UBE2R2: variants seen among roughly 807,000 people sequenced by gnomAD.
UBE2R2 encodes the protein ubiquitin-conjugating enzyme E2 R2.
Under a neutral mutation model 27.8 loss-of-function variants are expected in UBE2R2, and 1 was observed. The ratio of observed to expected loss-of-function variants is 0.04; its 90% confidence interval spans 0.01 to 0.17. The LOEUF is 0.17. Ranked by LOEUF, UBE2R2 falls within the 10% of genes least tolerant of loss-of-function variation. The pLI is 1.00. For missense variants in UBE2R2, 100 were observed against 291.0 expected (o/e 0.34, Z 4.78); for synonymous variants, 106 against 113.3 (o/e 0.94, Z 0.41).
intron 2 of UBE2R2, among the ~76,000 whole-genome samples, chr9:33,896,958 T>C (rs936326759): frequency 2.0e-5 from 3 of 151,538 alleles, no homozygotes; most frequent in Non-Finnish European, 4.4e-5. Flanking sequence ...TTTGTGTTTT[T>C]TTTTTGTTGT....
At chr9:33,871,687 A>T (rs943431929) in intron 1 of UBE2R2, among the ~76,000 whole-genome samples, 7 of 152,200 alleles carry the variant, frequency 4.6e-5, no homozygotes, top group African/African-American at 1.7e-4. Context: ...AATTGCTTCT[A>T]TTGAGTGACG....
chr9:33,836,119 C>A (rs1820608659), intron 1 of UBE2R2, among the ~76,000 whole-genome samples: 1 of 152,108 alleles, frequency 6.6e-6, no homozygotes. Flanking sequence ...GCCCGGCCAG[C>A]ATGGTGAAAC....
At chr9:33,820,440 T>C (rs1825961004) in intron 1 of UBE2R2, among the ~76,000 whole-genome samples, 1 of 152,244 alleles carries the variant, frequency 6.6e-6, no homozygotes, top group Non-Finnish European at 1.5e-5. Flanking sequence ...TCGACTACTT[T>C]TTCCCTTATA....
At chr9:33,827,545 G>T (rs1271597059) in intron 1 of UBE2R2, among the ~76,000 whole-genome samples, 1 of 152,070 alleles carries the variant, frequency 6.6e-6, no homozygotes, top group African/African-American at 2.4e-5. Context: ...GGAGGCTCAG[G>T]CAGGAGAATT....
chr9:33,896,531 C>T (rs1054818613), intron 2 of UBE2R2, among the ~76,000 whole-genome samples: 9 of 151,922 alleles, frequency 5.9e-5, no homozygotes, highest in Admixed American at 3.3e-4. Flanking sequence ...CAACCTCCGC[C>T]TCCTGGGTTC....
intron 1 of UBE2R2, among the ~76,000 whole-genome samples, chr9:33,884,370 A>C (rs1204558264): frequency 2.3e-5 from 3 of 132,484 alleles, no homozygotes; most frequent in African/African-American, 2.9e-5. Flanking sequence ...CTGCAGCCCC[A>C]CCTCCTGGGC....
intron 2 of UBE2R2, 110 bp downstream of exon 2, chr9:33,887,077 G>T (rs1821876673): frequency 4.7e-6 from 4 of 856,704 alleles, no homozygotes; most frequent in Middle Eastern, 2.5e-4. Flanking sequence ...TAGCCATAGA[G>T]AAATATTAAT....
intron 1 of UBE2R2, among the ~76,000 whole-genome samples, chr9:33,834,569 A>G (rs1820570935): frequency 6.6e-6 from 1 of 152,052 alleles, no homozygotes; most frequent in African/African-American, 2.4e-5. Context: ...TAGCTGTTAA[A>G]TAGCTACTAT....
intron 1 of UBE2R2, among the ~76,000 whole-genome samples, chr9:33,828,687 G>A (rs1005406253): frequency 2.0e-5 from 3 of 151,036 alleles, no homozygotes; most frequent in Admixed American, 6.6e-5. Flanking sequence ...TCAGCCTCCC[G>A]AGTAGCTGGG....
intron 2 of UBE2R2, among the ~76,000 whole-genome samples, chr9:33,890,037 C>T (rs1355852880): frequency 1.3e-5 from 2 of 152,044 alleles, no homozygotes; most frequent in South Asian, 2.1e-4. Flanking sequence ...TTATCTAATT[C>T]CCAAACACCT....
intron 2 of UBE2R2, among the ~76,000 whole-genome samples, chr9:33,888,621 A>C (rs1008652509): frequency 1.3e-4 from 20 of 152,050 alleles, no homozygotes; most frequent in African/African-American, 4.8e-4. Flanking sequence ...GGTTCAAGCG[A>C]TTCTCCTGTC....
chr9:33,917,251 T>C lies in UBE2R2; in HGVS notation c.*14T>C, dbSNP rs762050649. 2 of 1,613,500 alleles carry C rather than the reference T, an allele frequency of 1.2e-6. No homozygotes were observed. Among genetic ancestry groups the C allele is most frequent in the Non-Finnish European group, 1.7e-6 (2 of 1,180,010 alleles). On this transcript the variant is annotated 3_prime_UTR_variant, in exon 5 of 5. Coordinates refer to ENST00000263228, the MANE Select transcript of UBE2R2 (RefSeq NM_017811.4). ...GAGGAGTCGTGACGTGCTCCTTCAG[T>C]GCCCCTGTACTGCCCTGCCATCTCA...
chr9:33,851,475 TTGTTCCTTAGTCA>T (rs1358027456), intron 1 of UBE2R2, among the ~76,000 whole-genome samples: 1 of 152,134 alleles, frequency 6.6e-6, no homozygotes, highest in African/African-American at 2.4e-5. Context: ...CAGCCTGTAA[TTGTTCCTTAGTCA>T]TGTCCTAGAC....
At chr9:33,818,519 C>G (rs944561655) in intron 1 of UBE2R2, 60 of 130,358 alleles carry the variant, frequency 4.6e-4, no homozygotes, top group African/African-American at 1.6e-3. Flanking sequence ...GAATGGGACC[C>G]TAGGGGTGGT....
At chr9:33,857,574 C>A (rs1821137172) in intron 1 of UBE2R2, among the ~76,000 whole-genome samples, 1 of 152,112 alleles carries the variant, frequency 6.6e-6, no homozygotes, top group African/African-American at 2.4e-5. Flanking sequence ...CCTTGGCCTT[C>A]CAAAGTGCTG....
intron 1 of UBE2R2, among the ~76,000 whole-genome samples, chr9:33,875,621 T>G (rs979237638): frequency 6.6e-6 from 1 of 152,176 alleles, no homozygotes; most frequent in African/African-American, 2.4e-5. Context: ...CTCTTAAAAT[T>G]TGTATATGAT....
At chr9:33,915,004 C>G (rs145440669) in intron 4 of UBE2R2, among the ~76,000 whole-genome samples, 3 of 151,872 alleles carry the variant, frequency 2.0e-5, no homozygotes, top group Non-Finnish European at 2.9e-5. Flanking sequence ...GTGGCTTATA[C>G]CTGTAATCCC....
chr9:33,878,569 G>T (rs559137011), intron 1 of UBE2R2, among the ~76,000 whole-genome samples: 171 of 152,224 alleles, frequency 1.1e-3, no homozygotes, highest in Non-Finnish European at 2.1e-3. Context: ...TATGAGCCAA[G>T]ATTGCACCAC....
chr9:33,869,408 G>A (rs1350421633), intron 1 of UBE2R2, among the ~76,000 whole-genome samples: 3 of 149,330 alleles, frequency 2.0e-5, no homozygotes, highest in African/African-American at 7.5e-5. Context: ...GTTTTACATA[G>A]TTACATATAC....
Sources: gnomAD v4.1 joint callset for allele counts (sites outside exome capture counted in the v4.1 genomes callset) on GRCh38, gnomAD v4.1.1 for gene constraint, MANE v1.5 for transcripts, NCBI Gene and HGNC (gene_info 2026-07-23, HGNC 2026-07-21) for gene names.